COX10: variants seen among roughly 807,000 people sequenced by gnomAD.
The protein encoded by COX10 is cytochrome c oxidase assembly factor heme A:farnesyltransferase COX10, also known as protoheme IX farnesyltransferase, mitochondrial.
A neutral mutation model predicts 37.3 loss-of-function variants in COX10; 27 were observed. The observed-to-expected ratio is 0.72, with a 90% CI of 0.53 to 1.00. COX10 has a LOEUF of 1.00. Among genes scored for constraint, COX10 ranks in the 50% least tolerant of loss-of-function variants. The pLI is 0.00. For missense variants in COX10, 475 were observed against 563.2 expected, an observed-to-expected ratio of 0.84 and a Z score of 1.59; for synonymous variants, 222 against 229.1, an observed-to-expected ratio of 0.97 and a Z score of 0.28.
chr17:14,070,295 G>A (rs1215388994), intron 1 of COX10, among the ~76,000 whole-genome samples: 3 of 151,912 alleles, frequency 2.0e-5, no homozygotes, highest in African/African-American at 7.3e-5. Context: ...TATAAACTAG[G>A]GCCCCCTACT....
At chr17:14,120,203 T>C (rs564462731) in intron 4 of COX10, among the ~76,000 whole-genome samples, 1 of 152,278 alleles carries the variant, frequency 6.6e-6, no homozygotes, top group South Asian at 2.1e-4. Flanking sequence ...TTTGGACATG[T>C]TGACTTTGAG....
intron 4 of COX10, among the ~76,000 whole-genome samples, chr17:14,140,464 T>C (rs1904506053): frequency 6.6e-6 from 1 of 152,126 alleles, no homozygotes; most frequent in Non-Finnish European, 1.5e-5. Flanking sequence ...ATACTTTTTA[T>C]GGTTGGCATG....
chr17:14,069,986 C>A (rs1171240883), intron 1 of COX10, among the ~76,000 whole-genome samples: 1 of 152,344 alleles, frequency 6.6e-6, no homozygotes, highest in Admixed American at 6.5e-5. Flanking sequence ...CTTATCAGAG[C>A]CTCGGCTTCT....
intron 4 of COX10, among the ~76,000 whole-genome samples, chr17:14,154,637 C>A (rs534744902): frequency 6.6e-6 from 1 of 152,198 alleles, no homozygotes; most frequent in South Asian, 2.1e-4. Context: ...AGTGAAGATT[C>A]AAGGAACATC....
At chr17:14,105,552 G>A (rs980277548) in intron 4 of COX10, among the ~76,000 whole-genome samples, 2 of 152,002 alleles carry the variant, frequency 1.3e-5, no homozygotes, top group Non-Finnish European at 2.9e-5. Context: ...AAAGTAGGTG[G>A]TATTCCTTCT....
intron 4 of COX10, among the ~76,000 whole-genome samples, chr17:14,106,660 G>A (rs1385128856): frequency 1.3e-5 from 2 of 152,132 alleles, no homozygotes; most frequent in Admixed American, 1.3e-4. Context: ...GCCGTGAATT[G>A]GAAAATCTTG....
chr17:14,204,190 G>A (rs1906628156), intron 6 of COX10, among the ~76,000 whole-genome samples: 1 of 152,128 alleles, frequency 6.6e-6, no homozygotes, highest in Admixed American at 6.5e-5. Flanking sequence ...GGTAGGAAAT[G>A]CAGACACGTA....
chr17:14,073,243 T>A (rs116204106), intron 1 of COX10, among the ~76,000 whole-genome samples: 91 of 152,286 alleles, frequency 6.0e-4, no homozygotes, highest in African/African-American at 2.2e-3. Flanking sequence ...AAATGTAAGA[T>A]GATGAATGTA....
chr17:14,194,011 G>T (rs1182780594), intron 6 of COX10, among the ~76,000 whole-genome samples: 40 of 152,358 alleles, frequency 2.6e-4, no homozygotes, highest in Non-Finnish European at 7.3e-5. Context: ...CCTGGCAGGG[G>T]TGCCTGAACT....
intron 6 of COX10, among the ~76,000 whole-genome samples, chr17:14,205,303 A>T (rs1294786228): frequency 2.0e-5 from 3 of 152,090 alleles, no homozygotes. Context: ...GACTTGACAA[A>T]GTCACCACTC....
Position 14,102,206 on chromosome 17 carries a change from A to G in COX10, c.588A>G (p.Thr196=). Residue 196 remains threonine, a synonymous_variant, in exon 4 of 7, where the codon ACA becomes ACG. Coordinates refer to ENST00000261643, the MANE Select transcript of COX10 (RefSeq NM_001303.4). ...WPCFLLTSVG[T]GLASCAANSI... is the part of the protein sequence containing the mutation. Reference sequence around the variant, plus strand: ...GTTTCCTGCTTACTTCTGTTGGGACAGGCCTTGCATCCTGTGCTGCCAACT... The same window carrying G: ...GTTTCCTGCTTACTTCTGTTGGGACGGGCCTTGCATCCTGTGCTGCCAACT... 1 of 1,613,748 alleles carries G rather than the reference A, an allele frequency of 6.2e-7. No homozygotes were observed. Among genetic ancestry groups the G allele is most frequent in the Non-Finnish European group, 8.5e-7 (1 of 1,179,736 alleles).
intron 4 of COX10, among the ~76,000 whole-genome samples, chr17:14,122,248 C>T (rs995192035): frequency 5.9e-5 from 9 of 152,120 alleles, no homozygotes; most frequent in African/African-American, 2.2e-4. Context: ...TCAGCTATAA[C>T]TTTATCAGTA....
At chr17:14,201,300 C>A (rs886876803) in intron 6 of COX10, among the ~76,000 whole-genome samples, 3 of 152,156 alleles carry the variant, frequency 2.0e-5, no homozygotes, top group Admixed American at 1.3e-4. Flanking sequence ...TTGTTTTCAT[C>A]TTTTATAGGA....
chr17:14,135,394 A>G (rs1332645436), intron 4 of COX10, among the ~76,000 whole-genome samples: 1 of 151,832 alleles, frequency 6.6e-6, no homozygotes. Flanking sequence ...GATTTTAGAT[A>G]TTAGGTTGGT....
At chr17:14,106,841 T>C (rs1373675016) in intron 4 of COX10, among the ~76,000 whole-genome samples, 1 of 152,198 alleles carries the variant, frequency 6.6e-6, no homozygotes, top group East Asian at 1.9e-4. Context: ...TGCCTTTGTC[T>C]AAGGGCTATT....
At chr17:14,108,080 CTT>C (rs1450537145) in intron 4 of COX10, among the ~76,000 whole-genome samples, 1 of 152,132 alleles carries the variant, frequency 6.6e-6, no homozygotes, top group Non-Finnish European at 1.5e-5. Flanking sequence ...CTAGAGAACT[CTT>C]AACTTCTGGA....
chr17:14,190,764 G>C (rs1488356409), intron 5 of COX10, among the ~76,000 whole-genome samples: 2 of 152,032 alleles, frequency 1.3e-5, no homozygotes, highest in African/African-American at 4.8e-5. Flanking sequence ...ATTCTAACTC[G>C]TCATAATTCT....
At chr17:14,150,443 A>G (rs748407581) in intron 4 of COX10, among the ~76,000 whole-genome samples, 41 of 152,210 alleles carry the variant, frequency 2.7e-4, no homozygotes, top group Non-Finnish European at 4.4e-5. Context: ...AATGTTTGAA[A>G]TGTTCACAGT....
intron 4 of COX10, among the ~76,000 whole-genome samples, chr17:14,149,000 T>C (rs1169756460): frequency 1.3e-5 from 2 of 148,306 alleles, no homozygotes; most frequent in African/African-American, 4.9e-5. Context: ...TGTTAGTCTA[T>C]AACATATATA....
Sources: gnomAD v4.1 joint callset for allele counts (sites outside exome capture counted in the v4.1 genomes callset) on GRCh38, gnomAD v4.1.1 for gene constraint, MANE v1.5 for transcripts, NCBI Gene and HGNC (gene_info 2026-07-23, HGNC 2026-07-21) for gene names.